Variants in YARS1 observed in about 807,000 individuals in gnomAD.
YARS1 encodes tyrosine--tRNA ligase, cytoplasmic.
YARS1 carries 36 observed loss-of-function variants against 62.2 expected under a neutral mutation model. The observed-to-expected ratio is 0.58, with a 90% CI of 0.44 to 0.76. The LOEUF (loss-of-function observed/expected upper bound fraction) is 0.76, where lower values mean the gene tolerates loss of function less well. YARS1 is among the 30% of genes least tolerant of loss of function. The pLI is 0.00. For missense variants in YARS1, 524 were observed against 639.8 expected (o/e 0.82, Z 1.95); for synonymous variants, 234 against 244.9 (o/e 0.96, Z 0.42).
intron 8 of YARS1, among the ~76,000 whole-genome samples, chr1:32,785,604 C>T (rs758080196): frequency 6.6e-5 from 10 of 151,368 alleles, no homozygotes; most frequent in African/African-American, 9.7e-5. Context: ...CTTTTTGAGA[C>T]GGAGTTTCAC....
intron 6 of YARS1, among the ~76,000 whole-genome samples, chr1:32,790,181 C>CT (rs750131866): frequency 0.017 from 1,945 of 115,250 alleles, 33 homozygotes; most frequent in East Asian, 0.061. Context: ...CCACGCAGGC[C>CT]TTTTTTTTTT....
chr1:32,789,606 T>C (rs894125916), intron 6 of YARS1, among the ~76,000 whole-genome samples: 1 of 151,528 alleles, frequency 6.6e-6, no homozygotes, highest in Non-Finnish European at 1.5e-5. Context: ...TTTTTTTTTT[T>C]AAGACGGAGT....
intron 11 of YARS1, 127 bp downstream of exon 11, chr1:32,779,958 C>T: frequency 8.9e-7 from 1 of 1,117,480 alleles, no homozygotes; most frequent in East Asian, 2.4e-5. Flanking sequence ...CAACTTTTGG[C>T]ATCAGCAAGG....
intron 4 of YARS1, among the ~76,000 whole-genome samples, chr1:32,799,950 C>T (rs756749016): frequency 6.6e-6 from 1 of 151,950 alleles, no homozygotes; most frequent in Non-Finnish European, 1.5e-5. Flanking sequence ...TAAACCATGG[C>T]GCCCAGCCAA....
In YARS1 at chr1:32,810,981, G is replaced by A. The variant is rs1333212048; in HGVS notation, c.134C>T (p.Thr45Met). ...ELKIYWGTAT[T>M]GKPHVAYFVP... ...AAAGTAAGCCACATGTGGTTTGCCC[G>A]TGGTTGCCGTTCCCCAGTAAATTTT... Residue 45 changes from threonine (T) to methionine (M), a missense_variant, in exon 2 of 13, where the codon ACG (threonine) becomes ATG (methionine). By Grantham distance (81) the Thr-to-Met change is moderately conservative. Transcript: ENST00000373477. 2.5e-6 allele frequency: 4 copies of A among 1,613,996 alleles called. No individual in the cohort carries two copies. Among genetic ancestry groups the A allele is most frequent in the Non-Finnish European group, 2.5e-6 (3 of 1,180,006 alleles).
At chr1:32,787,347 A>C (rs1016848117) in intron 6 of YARS1, among the ~76,000 whole-genome samples, 3 of 151,570 alleles carry the variant, frequency 2.0e-5, no homozygotes, top group Non-Finnish European at 4.4e-5. Flanking sequence ...GGCTGGTCTC[A>C]AACTTCTGGG....
intron 1 of YARS1, among the ~76,000 whole-genome samples, chr1:32,815,426 C>G (rs551622980): frequency 1.8e-3 from 279 of 152,250 alleles, no homozygotes; most frequent in African/African-American, 6.4e-3. Context: ...CTCCAACCAG[C>G]ACTATTTTAT....
chr1:32,786,980 A>G lies in YARS1; in HGVS notation c.780T>C (p.Val260=). 6.2e-7 allele frequency: 1 copy of G among 1,614,084 alleles called. No individual in the cohort carries two copies. The highest frequency in any genetic ancestry group is 1.1e-5 in the South Asian group (1 of 91,066). Residue 260 remains valine (V), a synonymous_variant, in exon 7 of 13, where the codon GTT becomes GTC. Coordinates refer to ENST00000373477, the MANE Select transcript of YARS1 (RefSeq NM_003680.4). ...CEPGNVENNG[V]LSFIKHVLFP... ...AAAGGACATGCTTGATGAAGGACAG[A>G]ACCCCATTGTTCTCCACATTTCCTG...
chr1:32,778,949 A>G (rs1224649685), intron 12 of YARS1, among the ~76,000 whole-genome samples: 1 of 151,462 alleles, frequency 6.6e-6, no homozygotes, highest in Non-Finnish European at 1.5e-5. Flanking sequence ...CATGTTGGCC[A>G]GGCTGGTCTT....
At chr1:32,786,781 C>T (rs1459213439) in intron 7 of YARS1, 159 bp downstream of exon 7, 11 of 1,034,142 alleles carry the variant, frequency 1.1e-5, no homozygotes, top group African/African-American at 4.9e-5. Flanking sequence ...AATTAAATTA[C>T]ATCCCAACAT....
rs955197054 is a variant in YARS1 at position 32,814,097 on chromosome 1, T to C, written c.58-3040A>G. 3.3e-5 allele frequency among the ~76,000 whole-genome samples: 5 copies of C among 152,192 alleles called. 1 individual carries two copies. The highest frequency in any genetic ancestry group is 3.3e-4 in the Admixed American group (5 of 15,266). ...CTGCTTACGCCCATACACAGAACCGTGTTCTTGTTATCAACCCAATCATTC... is the reference window on the plus strand; with the variant it reads ...CTGCTTACGCCCATACACAGAACCGCGTTCTTGTTATCAACCCAATCATTC... On this transcript the variant is annotated intron_variant, in intron 1 of 12. Transcript: ENST00000373477.
intron 7 of YARS1, 50 bp downstream of exon 7, chr1:32,786,890 G>T: frequency 6.2e-7 from 1 of 1,612,536 alleles, no homozygotes; most frequent in South Asian, 1.1e-5. Context: ...ATCACAGCAC[G>T]AACTTTTCTA....
At chr1:32,782,649 C>G (rs1380640221) in intron 8 of YARS1, 110 bp from the exon 9 acceptor site, 1 of 1,456,306 alleles carries the variant, frequency 6.9e-7, no homozygotes, top group African/African-American at 1.4e-5. Flanking sequence ...TTATTTGATC[C>G]TTGTGATAAT....
At chr1:32,815,965 C>T (rs183472859) in intron 1 of YARS1, among the ~76,000 whole-genome samples, 6 of 152,018 alleles carry the variant, frequency 3.9e-5, no homozygotes, top group Non-Finnish European at 7.4e-5. Context: ...AAAAATTAGC[C>T]GGGCGTGGGG....
intron 4 of YARS1, among the ~76,000 whole-genome samples, chr1:32,803,491 A>G (rs1231396470): frequency 6.6e-6 from 1 of 152,124 alleles, no homozygotes; most frequent in African/African-American, 2.4e-5. Context: ...CATTGGCTTC[A>G]ACTTCAAGTC....
chr1:32,792,883 A>T (rs1653458578), intron 5 of YARS1, among the ~76,000 whole-genome samples: 1 of 151,490 alleles, frequency 6.6e-6, no homozygotes, highest in Admixed American at 6.6e-5. Flanking sequence ...CCATCTCAAA[A>T]AAAAATAAAA....
chr1:32,803,286 CT>C (rs60704395), intron 4 of YARS1, among the ~76,000 whole-genome samples: 2,193 of 134,882 alleles, frequency 0.016, 49 homozygotes, highest in African/African-American at 0.051. Context: ...CCTAATTCTT[CT>C]TTTTTTTTTT....
At chr1:32,780,532 A>G (rs917137519) in intron 10 of YARS1, 2 of 541,272 alleles carry the variant, frequency 3.7e-6, no homozygotes. Context: ...AAGGATCTCT[A>G]AGCCATCTGA....
intron 1 of YARS1, among the ~76,000 whole-genome samples, chr1:32,812,223 G>C (rs775371354): frequency 9.9e-5 from 15 of 152,120 alleles, no homozygotes; most frequent in Admixed American, 2.0e-4. Flanking sequence ...ATGTTGCCCA[G>C]GCTGGTCTCG....
Sources: gnomAD v4.1 joint callset for allele counts (sites outside exome capture counted in the v4.1 genomes callset) on GRCh38, gnomAD v4.1.1 for gene constraint, MANE v1.5 for transcripts, NCBI Gene and HGNC (gene_info 2026-07-23, HGNC 2026-07-21) for gene names.